Variants in ADGRL3 observed in about 807,000 individuals in gnomAD.
ADGRL3 encodes calcium-independent alpha-latrotoxin receptor 3.
A neutral mutation model predicts 153.5 loss-of-function variants in ADGRL3; 62 were observed. The observed-to-expected ratio is 0.40, with a 90% CI of 0.33 to 0.50. The LOEUF (loss-of-function observed/expected upper bound fraction) is 0.50. Among genes scored for constraint, ADGRL3 ranks in the 20% least tolerant of loss-of-function variants. The probability of loss-of-function intolerance (pLI) is 0.47; values close to 1 mark genes in which losing one functional copy is unlikely to be tolerated. For missense variants in ADGRL3, 1,641 were observed against 1,859.4 expected, an observed-to-expected ratio of 0.88 and a Z score of 2.16; for synonymous variants, 710 against 672.5, an observed-to-expected ratio of 1.06 and a Z score of -0.86.
chr4:62,070,374 C>T lies in ADGRL3; in HGVS notation c.4098C>T (p.Asn1366=), dbSNP rs200367437. ...NRNLMNKLVN[N]LGSGREDDAI... is the part of the protein sequence containing the mutation. ...ATCTGATGAACAAGCTGGTGAATAA[C>T]CTTGGCAGTGGAAGGGAAGATGATG... Residue 1366 remains asparagine (N), a synonymous_variant, in exon 27 of 27, where the codon AAC becomes AAT. Coordinates refer to ENST00000683033, the MANE Select transcript of ADGRL3 (RefSeq NM_001387552.1). The T allele has an allele frequency of 5.2e-5, 81 of 1,552,160 alleles. No individual in the cohort carries two copies. In the African/African-American group the frequency reaches 9.6e-4, roughly 18 times the overall value.
intron 5 of ADGRL3, among the ~76,000 whole-genome samples, chr4:61,617,464 A>G (rs1371258095): frequency 6.6e-6 from 1 of 152,100 alleles, no homozygotes; most frequent in African/African-American, 2.4e-5. Context: ...CATGAACACT[A>G]TCTTTCCAGG....
At chr4:61,398,888 T>C (rs1410541720) in intron 2 of ADGRL3, among the ~76,000 whole-genome samples, 3 of 151,756 alleles carry the variant, frequency 2.0e-5, no homozygotes, top group Admixed American at 2.0e-4. Flanking sequence ...GTGTACTTTT[T>C]CTCCTTCCAA....
intron 9 of ADGRL3, among the ~76,000 whole-genome samples, chr4:61,832,633 T>C (rs1156590214): frequency 6.6e-6 from 1 of 152,120 alleles, no homozygotes; most frequent in Admixed American, 6.6e-5. Flanking sequence ...CCTCCAATAA[T>C]CTACTGTTCT....
chr4:61,665,762 C>T (rs1019032182), intron 5 of ADGRL3, among the ~76,000 whole-genome samples: 2 of 152,086 alleles, frequency 1.3e-5, no homozygotes, highest in Non-Finnish European at 2.9e-5. Context: ...ACTGGTGATA[C>T]CATAAATTGA....
At chr4:61,818,404 T>G (rs1485801707) in intron 9 of ADGRL3, among the ~76,000 whole-genome samples, 1 of 152,322 alleles carries the variant, frequency 6.6e-6, no homozygotes, top group Non-Finnish European at 1.5e-5. Flanking sequence ...CAGCCCTTTA[T>G]GAGCTGGCAT....
At chr4:61,726,210 G>GTTTTTTTTTTTTTTTGTTTGTTT in intron 6 of ADGRL3, among the ~76,000 whole-genome samples, 1 of 118,528 alleles carries the variant, frequency 8.4e-6, no homozygotes, top group East Asian at 2.6e-4. Flanking sequence ...TTTTTTTTTT[G>GTTTTTTTTTTTTTTTGTTTGTTT]TTTTTTGAGA....
intron 9 of ADGRL3, among the ~76,000 whole-genome samples, chr4:61,847,749 TTATATATAATACAAAA>T (rs1343345089): frequency 3.1e-4 from 12 of 38,398 alleles, no homozygotes; most frequent in East Asian, 1.3e-3. Flanking sequence ...ACAAAATATA[TTATATATAATACAAAA>T]TATATATATA....
chr4:61,681,888 C>T (rs77614451), intron 6 of ADGRL3, among the ~76,000 whole-genome samples: 2,349 of 151,858 alleles, frequency 0.015, 28 homozygotes, highest in Non-Finnish European at 0.023. Flanking sequence ...ACAAAAATGT[C>T]CAAGGTATAT....
At chr4:61,934,051 A>C (rs576808023) in intron 13 of ADGRL3, 1 of 152,310 alleles carries the variant, frequency 6.6e-6, no homozygotes, top group Non-Finnish European at 1.5e-5. Context: ...CTACAGCATA[A>C]AGCAAACCAC....
intron 17 of ADGRL3, among the ~76,000 whole-genome samples, chr4:61,969,607 A>C (rs2150621858): frequency 6.6e-6 from 1 of 152,268 alleles, no homozygotes; most frequent in East Asian, 1.9e-4. Flanking sequence ...CAATATTCAC[A>C]ATATAAAAAT....
intron 5 of ADGRL3, among the ~76,000 whole-genome samples, chr4:61,651,720 G>C (rs929816733): frequency 6.6e-6 from 1 of 150,580 alleles, no homozygotes; most frequent in Non-Finnish European, 1.5e-5. Flanking sequence ...CAATTCCCTC[G>C]CCTCAACCTC....
chr4:62,010,781 C>T (rs958065287), intron 21 of ADGRL3, among the ~76,000 whole-genome samples: 5 of 151,920 alleles, frequency 3.3e-5, no homozygotes, highest in Admixed American at 2.6e-4. Context: ...TTTAGAATTG[C>T]TCTTATTTAT....
At chr4:61,385,194 C>T (rs56967650) in intron 2 of ADGRL3, among the ~76,000 whole-genome samples, 6,021 of 152,032 alleles carry the variant, frequency 0.04, 356 homozygotes, top group African/African-American at 0.13. Flanking sequence ...ATTATTTAGC[C>T]GTAATGCTTT....
At chr4:61,936,869 A>G (rs932500804) in intron 15 of ADGRL3, among the ~76,000 whole-genome samples, 1 of 151,920 alleles carries the variant, frequency 6.6e-6, no homozygotes, top group Non-Finnish European at 1.5e-5. Context: ...GCCAAGTGAT[A>G]GGAAGATGAC....
At chr4:61,520,800 T>A (rs546648535) in intron 4 of ADGRL3, among the ~76,000 whole-genome samples, 2 of 151,970 alleles carry the variant, frequency 1.3e-5, no homozygotes, top group East Asian at 3.9e-4. Context: ...TACCAGGAAA[T>A]AACACCCAGG....
chr4:61,278,538 C>A (rs1258602060), intron 1 of ADGRL3, among the ~76,000 whole-genome samples: 1 of 152,106 alleles, frequency 6.6e-6, no homozygotes, highest in African/African-American at 2.4e-5. Context: ...GAGTCTCACT[C>A]TGTTGCTCAG....
intron 6 of ADGRL3, among the ~76,000 whole-genome samples, chr4:61,716,442 G>T (rs142904877): frequency 6.6e-6 from 1 of 152,068 alleles, no homozygotes; most frequent in Non-Finnish European, 1.5e-5. Flanking sequence ...AATACGTACC[G>T]ATTTTAAAGG....
chr4:61,309,789 C>T (rs893210484), intron 1 of ADGRL3, among the ~76,000 whole-genome samples: 2 of 152,006 alleles, frequency 1.3e-5, no homozygotes, highest in Non-Finnish European at 2.9e-5. Context: ...TCCAAGAAAG[C>T]GAGCTGTTCT....
At chr4:61,960,867 A>C (rs1055338393) in intron 17 of ADGRL3, among the ~76,000 whole-genome samples, 4 of 151,854 alleles carry the variant, frequency 2.6e-5, no homozygotes, top group Admixed American at 2.0e-4. Context: ...GCGCCACCAC[A>C]CCGAGCTAAT....
Sources: gnomAD v4.1 joint callset for allele counts (sites outside exome capture counted in the v4.1 genomes callset) on GRCh38, gnomAD v4.1.1 for gene constraint, MANE v1.5 for transcripts, NCBI Gene and HGNC (gene_info 2026-07-23, HGNC 2026-07-21) for gene names.